The following RAB3GAP2 variants were observed in gnomAD, a reference collection of about 807,000 sequenced individuals.
The protein encoded by RAB3GAP2 is rab3 GTPase-activating protein non-catalytic subunit.
A neutral mutation model predicts 185.3 loss-of-function variants in RAB3GAP2; 87 were observed. The ratio of observed to expected loss-of-function variants is 0.47; its 90% CI spans 0.39 to 0.56. RAB3GAP2 has a LOEUF of 0.56. RAB3GAP2 is among the 20% of genes least tolerant of loss of function. The probability of loss-of-function intolerance (pLI) is 0.00; values close to 1 mark genes in which losing one functional copy is unlikely to be tolerated. For missense variants in RAB3GAP2, 1,492 were observed against 1,638.2 expected (o/e 0.91, Z 1.54); for synonymous variants, 554 against 576.1 (o/e 0.96, Z 0.55).
At chr1:220,257,314 G>T (rs1283484487) in intron 1 of RAB3GAP2, among the ~76,000 whole-genome samples, 2 of 151,786 alleles carry the variant, frequency 1.3e-5, no homozygotes, top group African/African-American at 4.8e-5. Context: ...GGAGGCGGAG[G>T]TTGCAGTGAG....
intron 9 of RAB3GAP2, among the ~76,000 whole-genome samples, chr1:220,198,725 C>CT (rs1466143391): frequency 6.6e-6 from 1 of 151,944 alleles, no homozygotes; most frequent in South Asian, 2.1e-4. Context: ...GCTGTGCATT[C>CT]TTTTTTTTCT....
At chr1:220,258,909 T>C (rs1660084419) in intron 1 of RAB3GAP2, among the ~76,000 whole-genome samples, 1 of 152,118 alleles carries the variant, frequency 6.6e-6, no homozygotes. Context: ...AAAATCAATG[T>C]GCAAAAAATC....
intron 14 of RAB3GAP2, 26 bp from the exon 15 acceptor site, chr1:220,190,546 TA>T: frequency 6.4e-7 from 1 of 1,565,210 alleles, no homozygotes; most frequent in Non-Finnish European, 8.8e-7. Flanking sequence ...ACCAATATGG[TA>T]AAAATATTAG....
At chr1:220,197,336 T>C (rs1042335079) in intron 9 of RAB3GAP2, among the ~76,000 whole-genome samples, 1 of 148,766 alleles carries the variant, frequency 6.7e-6, no homozygotes, top group African/African-American at 2.5e-5. Flanking sequence ...TTCATATACA[T>C]ATATTTCAGG....
chr1:220,161,800 G>A (rs537829342), intron 28 of RAB3GAP2, among the ~76,000 whole-genome samples: 2 of 152,216 alleles, frequency 1.3e-5, no homozygotes, highest in South Asian at 4.1e-4. Flanking sequence ...GCCATGATAG[G>A]CAATACATTA....
At chr1:220,248,790 T>C (rs190049355) in intron 1 of RAB3GAP2, among the ~76,000 whole-genome samples, 34 of 152,230 alleles carry the variant, frequency 2.2e-4, no homozygotes, top group Admixed American at 3.3e-4. Context: ...TGGGAGGTAA[T>C]TGAATCATGG....
chr1:220,272,130 G>C, intron 1 of RAB3GAP2, 93 bp downstream of exon 1: 1 of 1,093,350 alleles, frequency 9.1e-7, no homozygotes, highest in South Asian at 1.3e-5. Flanking sequence ...AGAGGGCAGA[G>C]GCAGGAGGCG....
intron 1 of RAB3GAP2, among the ~76,000 whole-genome samples, chr1:220,233,409 G>A (rs1659536049): frequency 6.6e-6 from 1 of 152,266 alleles, no homozygotes; most frequent in South Asian, 2.1e-4. Flanking sequence ...CGTCCTCTCA[G>A]AGGAAAATAA....
In RAB3GAP2 at chr1:220,212,867, A is replaced by C. The variant is rs1328383585; in HGVS notation, c.386+20T>G. ...ACATACATGTAACACACAGAGAAAC[A>C]AAAATTAACTGGCACCTACCCTTCT... On this transcript the variant is annotated intron_variant, in intron 4 of 34. Transcript: ENST00000358951. The C allele has an allele frequency of 6.3e-7, 1 of 1,593,842 alleles. No individual in the cohort carries two copies. Among genetic ancestry groups the C allele is most frequent in the African/African-American group, 1.3e-5 (1 of 74,446 alleles).
intron 1 of RAB3GAP2, among the ~76,000 whole-genome samples, chr1:220,235,428 A>C (rs537010325): frequency 6.6e-6 from 1 of 152,354 alleles, no homozygotes; most frequent in South Asian, 2.1e-4. Flanking sequence ...AAAAGAGCTT[A>C]TTACTATAAA....
intron 26 of RAB3GAP2, among the ~76,000 whole-genome samples, chr1:220,166,774 G>A (rs1160025926): frequency 6.6e-6 from 1 of 150,876 alleles, no homozygotes; most frequent in Non-Finnish European, 1.5e-5. Context: ...TTGTTCTTCT[G>A]AGGCATACAG....
intron 1 of RAB3GAP2, among the ~76,000 whole-genome samples, chr1:220,248,854 C>T (rs1305159753): frequency 6.6e-6 from 1 of 152,178 alleles, no homozygotes; most frequent in Non-Finnish European, 1.5e-5. Context: ...TTGTAAAGGG[C>T]TTTCCCCCAC....
rs1660355870 is a variant in RAB3GAP2, at chr1:220,272,437, G to C, written c.-100C>G. The C allele has an allele frequency of 7.7e-6, 6 of 778,146 alleles. No individual in the cohort carries two copies. The South Asian group carries it at 8.8e-5, about 11-fold the overall frequency. 48.2% of individuals were successfully genotyped at this position (778,146 alleles called of 1,614,324 possible). A position where few individuals can be genotyped will look rare whatever the true frequency, so the allele number is the denominator to read the frequency against. On this transcript the variant is annotated 5_prime_UTR_variant, in exon 1 of 35. Coordinates refer to ENST00000358951, the MANE Select transcript of RAB3GAP2 (RefSeq NM_012414.4). ...ACCGAGCCCCAATAGCTCTAGCCAA[G>C]CAGAAGGCGGAGAAACCAAACCGGA... is the stretch of plus-strand genomic sequence containing the variant.
chr1:220,232,199 T>C (rs1339241675), intron 2 of RAB3GAP2, among the ~76,000 whole-genome samples: 2 of 152,214 alleles, frequency 1.3e-5, no homozygotes, highest in Admixed American at 6.5e-5. Context: ...AAAACAATTA[T>C]TCTCCATTTA....
At chr1:220,153,838 G>T in intron 32 of RAB3GAP2, 130 bp downstream of exon 32, 3 of 1,278,524 alleles carry the variant, frequency 2.3e-6, no homozygotes, top group Non-Finnish European at 3.2e-6. Flanking sequence ...ACCTATGAGT[G>T]AGAACATGTG....
rs370379910 is a variant in RAB3GAP2 at position 220,170,938 on chromosome 1, C to T, written c.2760G>A (p.Glu920=). Residue 920 remains glutamate (E), a synonymous_variant, in exon 24 of 35, where the codon GAG becomes GAA. Coordinates refer to ENST00000358951, the MANE Select transcript of RAB3GAP2 (RefSeq NM_012414.4). ...QTSKVSSLQA[E]PLPRLSVKKL... ...TTTTAACAGAAAGCCTTGGAAGTGG[C>T]TCAGCCTGCAGTGATGACACTTTGG... The T allele has an allele frequency of 6.8e-6, 11 of 1,614,050 alleles. No homozygotes were observed. Among genetic ancestry groups the T allele is most frequent in the African/African-American group, 1.3e-5 (1 of 74,924 alleles).
At chr1:220,159,450 A>G in intron 28 of RAB3GAP2, 29 bp from the exon 29 acceptor site, 1 of 1,484,846 alleles carries the variant, frequency 6.7e-7, no homozygotes, top group East Asian at 2.3e-5. Flanking sequence ...ATGTTGTAAC[A>G]TTTAATAATT....
At chr1:220,160,843 A>C (rs1357541931) in intron 28 of RAB3GAP2, among the ~76,000 whole-genome samples, 4 of 152,162 alleles carry the variant, frequency 2.6e-5, no homozygotes, top group African/African-American at 9.7e-5. Flanking sequence ...CTGGTGTTCA[A>C]ACTGTGAGCT....
intron 1 of RAB3GAP2, among the ~76,000 whole-genome samples, chr1:220,249,286 A>C (rs1659886031): frequency 6.6e-6 from 1 of 152,160 alleles, no homozygotes; most frequent in Non-Finnish European, 1.5e-5. Flanking sequence ...AAATGGTGAC[A>C]GTGATAAGGA....
Sources: gnomAD v4.1 joint callset for allele counts (sites outside exome capture counted in the v4.1 genomes callset) on GRCh38, gnomAD v4.1.1 for gene constraint, MANE v1.5 for transcripts, NCBI Gene and HGNC (gene_info 2026-07-23, HGNC 2026-07-21) for gene names.